Variants in EIF3F observed in about 807,000 individuals in gnomAD.
The protein encoded by EIF3F is deubiquitinating enzyme eIF3f.
EIF3F carries 8 observed loss-of-function variants against 36.0 expected under a neutral mutation model. That is an observed-to-expected ratio of 0.22 (90% CI 0.13 to 0.40). The LOEUF is 0.40. Ranked by LOEUF, EIF3F falls within the 10% of genes least tolerant of loss-of-function variation. The pLI is 1.00. For missense variants in EIF3F, 430 were observed against 467.6 expected (o/e 0.92, Z 0.74); for synonymous variants, 184 against 188.5 (o/e 0.98, Z 0.19).
intron 1 of EIF3F, among the ~76,000 whole-genome samples, chr11:7,990,362 G>A (rs1488759841): frequency 6.6e-6 from 1 of 152,218 alleles, no homozygotes; most frequent in Non-Finnish European, 1.5e-5. Context: ...TTTGTGTGCA[G>A]TCTCTATCAC....
chr11:7,992,254 C>T, intron 3 of EIF3F, 91 bp downstream of exon 3: 3 of 1,123,456 alleles, frequency 2.7e-6, no homozygotes, highest in Non-Finnish European at 3.9e-6. Flanking sequence ...TATACTCTTC[C>T]TTTTGGAGGC....
At chr11:7,992,677 T>C (rs750020456) in intron 3 of EIF3F, 2 of 638,118 alleles carry the variant, frequency 3.1e-6, no homozygotes, top group Non-Finnish European at 5.4e-6. Context: ...CGAATTACCT[T>C]GTAAGTGACT....
At chr11:7,989,574 T>G (rs1456992425) in intron 1 of EIF3F, among the ~76,000 whole-genome samples, 1 of 152,236 alleles carries the variant, frequency 6.6e-6, no homozygotes, top group Non-Finnish European at 1.5e-5. Context: ...TTAAGGTATT[T>G]AGAATTCAAA....
chr11:7,996,392 G>T lies in EIF3F; in HGVS notation c.*370G>T. The T allele has an allele frequency of 5.6e-6, 1 of 178,298 alleles. No homozygotes were observed. The highest frequency in any genetic ancestry group is 1.2e-5 in the Non-Finnish European group (1 of 84,382). 11.0% of individuals were successfully genotyped at this position (178,298 alleles called of 1,614,324 possible). A position where few individuals can be genotyped will look rare whatever the true frequency, so the allele number is the denominator to read the frequency against. On this transcript the variant is annotated 3_prime_UTR_variant, in exon 8 of 8. Coordinates refer to ENST00000651655, the MANE Select transcript of EIF3F (RefSeq NM_003754.3). ...TGATTTCTACAGGAAATGAAAATAA[G>T]AATCCATGGAGAAAAAATAGCTAAG... is the stretch of plus-strand genomic sequence containing the variant.
chr11:7,992,428 C>T (rs959444574), intron 3 of EIF3F: 3 of 496,752 alleles, frequency 6.0e-6, no homozygotes, highest in Non-Finnish European at 1.1e-5. Flanking sequence ...AAAACTTAGC[C>T]AGGCATGATG....
chr11:7,991,930 T>G, intron 2 of EIF3F, 79 bp downstream of exon 2: 1 of 1,551,010 alleles, frequency 6.4e-7, no homozygotes. Flanking sequence ...CCTCCCACAC[T>G]CATAACTAGA....
chr11:7,988,639 A>G (rs969043556), intron 1 of EIF3F, among the ~76,000 whole-genome samples: 3 of 152,224 alleles, frequency 2.0e-5, no homozygotes, highest in Non-Finnish European at 4.4e-5. Context: ...TTTATTTACA[A>G]GCATTCTTTC....
At chr11:7,992,456 T>C (rs981430465) in intron 3 of EIF3F, 12 of 455,196 alleles carry the variant, frequency 2.6e-5, no homozygotes, top group African/African-American at 2.4e-4. Flanking sequence ...CCTATAGTCC[T>C]AGCTATTCAG....
At chr11:7,988,579 CGTTT>C (rs1942055222) in intron 1 of EIF3F, among the ~76,000 whole-genome samples, 1 of 152,152 alleles carries the variant, frequency 6.6e-6, no homozygotes, top group Admixed American at 6.5e-5. Context: ...CCATGAAATT[CGTTT>C]CCATTCCATC....
Position 7,987,388 on chromosome 11 carries a change from G to A in EIF3F, c.36G>A (p.Pro12=), listed in dbSNP as rs1942034116. The A allele has an allele frequency of 6.3e-7, 1 of 1,598,950 alleles. No individual in the cohort carries two copies. The highest frequency in any genetic ancestry group is 8.5e-7 in the Non-Finnish European group (1 of 1,178,920). The change falls in exon 1 of 8, where the codon CCG becomes CCA. Residue 12 remains proline (P), a synonymous_variant. Transcript: ENST00000651655. ...CGGCGGTACCAGTAAGTGCTCCTCC[G>A]GCCACGCCAACCCCAGTCCCGGCGG... is the stretch of plus-strand genomic sequence containing the variant. ...ATPAVPVSAP[P]ATPTPVPAAA...
chr11:7,994,947 ACTGCCG>A, intron 5 of EIF3F, 29 bp from the exon 6 acceptor site: 2 of 1,608,780 alleles, frequency 1.2e-6, no homozygotes, highest in South Asian at 1.1e-5. Flanking sequence ...ACTGCCCACC[ACTGCCG>A]CTGCCACCCT....
chr11:7,995,813 T>C, intron 7 of EIF3F, 132 bp from the exon 8 acceptor site: 3 of 748,334 alleles, frequency 4.0e-6, no homozygotes, highest in Admixed American at 4.1e-5. Flanking sequence ...TGACTTTTAT[T>C]CAGTCTCTCC....
At chr11:7,990,415 A>C (rs1942078051) in intron 1 of EIF3F, among the ~76,000 whole-genome samples, 1 of 152,246 alleles carries the variant, frequency 6.6e-6, no homozygotes, top group Non-Finnish European at 1.5e-5. Context: ...CAGCCATAAA[A>C]AAATTGGCGT....
rs1258171952 is a variant in EIF3F at position 8,000,725 on chromosome 11, C to T, written c.*4703C>T. 1.3e-5 allele frequency: 2 copies of T among 151,710 alleles called. No individual in the cohort carries two copies. Among genetic ancestry groups the T allele is most frequent in the Non-Finnish European group, 2.9e-5 (2 of 67,980 alleles). 9.4% of individuals were successfully genotyped at this position (151,710 alleles called of 1,614,324 possible). A position where few individuals can be genotyped will look rare whatever the true frequency, so the allele number is the denominator to read the frequency against. ...CAAGTAAAGATAGATTACTTAAGAG[C>T]GAATGAGTGGTAATTTGGAAACAAT... On this transcript the variant is annotated 3_prime_UTR_variant, in exon 8 of 8. Transcript: ENST00000651655.
chr11:7,991,040 C>T (rs1361051224), intron 1 of EIF3F, among the ~76,000 whole-genome samples: 2 of 151,658 alleles, frequency 1.3e-5, no homozygotes, highest in Non-Finnish European at 2.9e-5. Flanking sequence ...AGTAAAAATA[C>T]AAAAATTAGC....
At chr11:7,991,347 G>A (rs1179077719) in intron 1 of EIF3F, among the ~76,000 whole-genome samples, 1 of 152,160 alleles carries the variant, frequency 6.6e-6, no homozygotes, top group Non-Finnish European at 1.5e-5. Context: ...CTAAAGGGAG[G>A]TACAGATGAA....
chr11:7,994,507 A>G lies in EIF3F; in HGVS notation c.735A>G (p.Glu245=), dbSNP rs1403428719. The change falls in exon 5 of 8, where the codon GAA becomes GAG. Residue 245 remains glutamate (E), a synonymous_variant. Transcript: ENST00000651655. ...LTVKYAYYDT[E]RIGVDLIMKT... ...TGAAATACGCGTACTACGACACTGA[A>G]CGCATCGGAGGTGAGTAACCTTTCC... 6.2e-7 allele frequency: 1 copy of G among 1,613,638 alleles called. No homozygotes were observed. The highest frequency in any genetic ancestry group is 1.7e-5 in the Admixed American group (1 of 59,970).
intron 1 of EIF3F, among the ~76,000 whole-genome samples, chr11:7,988,244 A>T (rs1384029158): frequency 6.6e-6 from 1 of 152,220 alleles, no homozygotes; most frequent in Non-Finnish European, 1.5e-5. Context: ...CCTCCCAACA[A>T]GTAAACCGGT....
intron 1 of EIF3F, among the ~76,000 whole-genome samples, chr11:7,989,180 CTG>C (rs968282700): frequency 5.3e-5 from 8 of 152,236 alleles, no homozygotes; most frequent in African/African-American, 1.9e-4. Flanking sequence ...TGTTCTGTAA[CTG>C]TGCCCTGCTC....
Sources: allele counts gnomAD v4.1 joint callset (sites outside exome capture counted in the v4.1 genomes callset), GRCh38; gene constraint gnomAD v4.1.1; transcripts MANE v1.5; gene names NCBI Gene and HGNC (gene_info 2026-07-23, HGNC 2026-07-21).